Variants in SLC2A13 observed in about 807,000 individuals in gnomAD.
SLC2A13 encodes the protein solute carrier family 2 member 13, also known as proton myo-inositol cotransporter.
Under a neutral mutation model 64.4 loss-of-function variants are expected in SLC2A13, and 32 were observed. That is an observed-to-expected ratio of 0.50 (90% CI 0.37 to 0.67). SLC2A13 has a LOEUF of 0.67. Ranked by LOEUF, SLC2A13 falls within the 30% of genes least tolerant of loss-of-function variation. The pLI is 0.00. For missense variants in SLC2A13, 743 were observed against 829.2 expected (o/e 0.90, Z 1.28); for synonymous variants, 338 against 327.1 (o/e 1.03, Z -0.36).
At chr12:39,952,828 G>A (rs1946253314) in intron 3 of SLC2A13, among the ~76,000 whole-genome samples, 2 of 152,090 alleles carry the variant, frequency 1.3e-5, no homozygotes, top group African/African-American at 2.4e-5. Context: ...GAGTTTGATT[G>A]TAACAATGCT....
chr12:39,896,185 T>A (rs1001239056), intron 4 of SLC2A13, among the ~76,000 whole-genome samples: 5 of 148,872 alleles, frequency 3.4e-5, no homozygotes, highest in Non-Finnish European at 7.5e-5. Flanking sequence ...TATGTATATA[T>A]GTATATATGT....
At position 39,995,597 on chromosome 12, in the gene SLC2A13, T is replaced by C. The variant is rs550855161; in HGVS notation, c.925+32704A>G. Among the ~76,000 whole-genome samples, 46 of 152,364 alleles carry C rather than the reference T, an allele frequency of 3.0e-4. 1 individual carries two copies. The highest frequency in any genetic ancestry group is 1.0e-4 in the Non-Finnish European group (7 of 68,034). On this transcript the variant is annotated intron_variant, in intron 3 of 9. Coordinates refer to ENST00000280871, the MANE Select transcript of SLC2A13 (RefSeq NM_052885.4). The stretch of plus-strand genomic sequence containing the variant: ...ACTATTAAAGATATAAAAGTAGGCA[T>C]ACAAATGCACTATCTCAAATATTGT...
intron 4 of SLC2A13, among the ~76,000 whole-genome samples, chr12:39,948,266 C>T (rs1946172823): frequency 6.6e-6 from 1 of 151,972 alleles, no homozygotes; most frequent in Admixed American, 6.6e-5. Context: ...ACAAGTCCTC[C>T]ATTCGGTAGG....
At chr12:39,764,361 A>C (rs895829542) in intron 9 of SLC2A13, 99 bp downstream of exon 9, 2 of 1,137,072 alleles carry the variant, frequency 1.8e-6, no homozygotes, top group Non-Finnish European at 2.4e-6. Context: ...TAACAGCAAA[A>C]TATAACCACA....
chr12:40,061,606 G>A (rs536645907), intron 1 of SLC2A13, among the ~76,000 whole-genome samples: 8 of 152,106 alleles, frequency 5.3e-5, no homozygotes, highest in Admixed American at 3.9e-4. Flanking sequence ...TGAAGCATAG[G>A]TGTTGGACAT....
chr12:40,027,927 A>AT (rs1389714282), intron 3 of SLC2A13, among the ~76,000 whole-genome samples: 2 of 152,204 alleles, frequency 1.3e-5, no homozygotes, highest in Non-Finnish European at 2.9e-5. Flanking sequence ...GACATGGTGA[A>AT]TTTCAGAATA....
intron 1 of SLC2A13, among the ~76,000 whole-genome samples, chr12:40,071,174 C>T (rs757951189): frequency 2.6e-4 from 39 of 152,268 alleles, no homozygotes; most frequent in Middle Eastern, 3.4e-3. Flanking sequence ...CACTGATCTA[C>T]GCGTGTCTAT....
intron 1 of SLC2A13, among the ~76,000 whole-genome samples, chr12:40,054,480 A>T (rs1028493026): frequency 5.6e-5 from 7 of 123,918 alleles, no homozygotes; most frequent in Non-Finnish European, 9.7e-5. Flanking sequence ...TAGAGTAAAC[A>T]TAACCACAAA....
In SLC2A13 at chr12:39,803,279, C is replaced by T. The variant is rs140682356; in HGVS notation, c.1445+26824G>A. On this transcript the variant is annotated intron_variant, in intron 7 of 9. Transcript: ENST00000280871. ...TGCACAGGATTGCCACAGATAAAAC[C>T]GTGATGAAAATAGACTTATATGACA... Among the ~76,000 whole-genome samples, 464 of 150,038 alleles carry T rather than the reference C, an allele frequency of 3.1e-3. 1 individual carries two copies. Among genetic ancestry groups the T allele is most frequent in the African/African-American group, 0.011 (436 of 40,850 alleles).
intron 4 of SLC2A13, among the ~76,000 whole-genome samples, chr12:39,933,855 GCCATCTACAAATA>G (rs1565549168): frequency 6.6e-6 from 1 of 152,126 alleles, no homozygotes; most frequent in African/African-American, 2.4e-5. Flanking sequence ...AAAGTATCAT[GCCATCTACAAATA>G]AGAAAGTTGA....
intron 4 of SLC2A13, among the ~76,000 whole-genome samples, chr12:39,922,147 C>G (rs1022440817): frequency 4.6e-5 from 7 of 152,198 alleles, no homozygotes; most frequent in Non-Finnish European, 7.4e-5. Context: ...CCATTATTCT[C>G]TGTATCCACT....
intron 2 of SLC2A13, among the ~76,000 whole-genome samples, chr12:40,032,448 G>GCAGT (rs1279685626): frequency 6.6e-6 from 1 of 152,190 alleles, no homozygotes; most frequent in African/African-American, 2.4e-5. Context: ...GGCACAGCTA[G>GCAGT]CAGTACCAGC....
intron 3 of SLC2A13, 127 bp from the exon 4 acceptor site, chr12:39,951,492 A>C: frequency 1.6e-6 from 1 of 609,386 alleles, no homozygotes; most frequent in Non-Finnish European, 2.7e-6. Flanking sequence ...TTAAATCAGA[A>C]CAACTCTATT....
At chr12:39,830,352 T>C in intron 6 of SLC2A13, 124 bp from the exon 7 acceptor site, 1 of 1,453,258 alleles carries the variant, frequency 6.9e-7, no homozygotes, top group Non-Finnish European at 9.1e-7. Context: ...CCTTGGGACT[T>C]GTTTTGGCCA....
At chr12:39,925,576 T>A (rs1565545212) in intron 4 of SLC2A13, among the ~76,000 whole-genome samples, 1 of 152,154 alleles carries the variant, frequency 6.6e-6, no homozygotes, top group Non-Finnish European at 1.5e-5. Context: ...AATAATTAAC[T>A]TTTTTTCCTT....
At chr12:40,006,207 C>T (rs1438148428) in intron 3 of SLC2A13, among the ~76,000 whole-genome samples, 3 of 152,064 alleles carry the variant, frequency 2.0e-5, no homozygotes, top group Admixed American at 6.6e-5. Flanking sequence ...ACTGGGAAAA[C>T]ATAAGAATAC....
At chr12:40,062,298 T>A (rs934136145) in intron 1 of SLC2A13, among the ~76,000 whole-genome samples, 6 of 151,874 alleles carry the variant, frequency 4.0e-5, no homozygotes, top group Non-Finnish European at 8.8e-5. Flanking sequence ...TAGCTGATGG[T>A]AGAGGATAGT....
intron 2 of SLC2A13, among the ~76,000 whole-genome samples, chr12:40,042,911 C>G (rs1208460229): frequency 1.3e-5 from 2 of 149,678 alleles, no homozygotes; most frequent in African/African-American, 2.5e-5. Context: ...GGACCAGAAT[C>G]CCTGGATAGG....
intron 2 of SLC2A13, among the ~76,000 whole-genome samples, chr12:40,041,235 C>T (rs2136230136): frequency 6.6e-6 from 1 of 152,236 alleles, no homozygotes; most frequent in Non-Finnish European, 1.5e-5. Context: ...CAAAGGATTT[C>T]AAGTTCCATC....
Sources: allele counts gnomAD v4.1 joint callset (sites outside exome capture counted in the v4.1 genomes callset), GRCh38; gene constraint gnomAD v4.1.1; transcripts MANE v1.5; gene names NCBI Gene and HGNC (gene_info 2026-07-23, HGNC 2026-07-21).